FANCC: variants seen among roughly 807,000 people sequenced by gnomAD.
FANCC encodes FA complementation group C.
A neutral mutation model predicts 71.3 loss-of-function variants in FANCC; 55 were observed. The ratio of observed to expected loss-of-function variants is 0.77; its 90% confidence interval spans 0.62 to 0.97. The LOEUF (loss-of-function observed/expected upper bound fraction) is 0.97. Ranked by LOEUF, FANCC falls within the 50% of genes least tolerant of loss-of-function variation. The pLI, the probability that FANCC is intolerant of heterozygous loss-of-function variation, is 0.00. For synonymous variants in FANCC, 275 were observed against 244.9 expected, an observed-to-expected ratio of 1.12 and a Z score of -1.15; for missense variants, 678 against 670.9, an observed-to-expected ratio of 1.01 and a Z score of -0.12.
chr9:95,247,313 T>G, intron 3 of FANCC, 119 bp downstream of exon 3: 1 of 762,168 alleles, frequency 1.3e-6, no homozygotes, highest in Non-Finnish European at 2.3e-6. Flanking sequence ...AATGAATACA[T>G]TTGATAAGTT....
chr9:95,102,485 G>A (rs1588011176), intron 14 of FANCC, among the ~76,000 whole-genome samples: 5 of 152,296 alleles, frequency 3.3e-5, no homozygotes, highest in Admixed American at 2.0e-4. Context: ...CAATTTAGCT[G>A]TGTGGGGAAT....
intron 4 of FANCC, among the ~76,000 whole-genome samples, chr9:95,231,014 G>C (rs1169786248): frequency 6.6e-6 from 1 of 152,198 alleles, no homozygotes; most frequent in Non-Finnish European, 1.5e-5. Context: ...TAGCTAGACA[G>C]AAAAGTTCTC....
chr9:95,173,643 C>T (rs553462453), intron 4 of FANCC, among the ~76,000 whole-genome samples: 4 of 152,256 alleles, frequency 2.6e-5, no homozygotes, highest in East Asian at 1.9e-4. Flanking sequence ...GGGCCAGGCA[C>T]GGTGGCTCAC....
At chr9:95,221,354 G>C (rs1390038549) in intron 4 of FANCC, among the ~76,000 whole-genome samples, 1 of 152,084 alleles carries the variant, frequency 6.6e-6, no homozygotes, top group East Asian at 1.9e-4. Flanking sequence ...ACTTAAAATA[G>C]ATCACATATC....
At chr9:95,148,081 C>A (rs1467936358) in intron 7 of FANCC, among the ~76,000 whole-genome samples, 1 of 152,186 alleles carries the variant, frequency 6.6e-6, no homozygotes, top group Non-Finnish European at 1.5e-5. Flanking sequence ...AGAGCCGAGA[C>A]AGCCCTCACG....
At chr9:95,252,613 G>A (rs1831417754) in intron 1 of FANCC, among the ~76,000 whole-genome samples, 1 of 151,824 alleles carries the variant, frequency 6.6e-6, no homozygotes, top group Admixed American at 6.6e-5. Flanking sequence ...AGGCGTGGTG[G>A]TGGGCGCCTA....
At chr9:95,145,367 C>G (rs1829388051) in intron 7 of FANCC, 1 of 152,184 alleles carries the variant, frequency 6.6e-6, no homozygotes, top group Non-Finnish European at 1.5e-5. Context: ...ACAACACTCC[C>G]TTCAGATCAC....
intron 6 of FANCC, among the ~76,000 whole-genome samples, chr9:95,151,196 G>T (rs563591633): frequency 6.6e-6 from 1 of 152,218 alleles, no homozygotes; most frequent in South Asian, 2.1e-4. Flanking sequence ...TAGTACTCAT[G>T]GTTCGCTTCC....
chr9:95,168,946 G>A (rs992715239), intron 6 of FANCC, among the ~76,000 whole-genome samples: 3 of 152,120 alleles, frequency 2.0e-5, no homozygotes, highest in Admixed American at 6.5e-5. Context: ...CTACCTGCTC[G>A]TTAGTCACTT....
intron 4 of FANCC, among the ~76,000 whole-genome samples, chr9:95,215,018 T>C (rs1326706021): frequency 6.6e-6 from 1 of 152,064 alleles, no homozygotes; most frequent in Non-Finnish European, 1.5e-5. Context: ...CAAAAATATA[T>C]GATAAAAAGT....
chr9:95,148,905 C>T (rs1829920535), intron 7 of FANCC, among the ~76,000 whole-genome samples: 1 of 152,226 alleles, frequency 6.6e-6, no homozygotes, highest in Non-Finnish European at 1.5e-5. Context: ...GCAATGGCTA[C>T]TAGAATATTC....
rs2135587533 is a variant in FANCC at position 95,172,048 on chromosome 9, A to G, written c.445T>C (p.Leu149=). Reference sequence around the variant, plus strand: ...TTTTAAATACTCACATTTTTAAGCAAACCAGGATAGTAATCTATAGGTGCA... The same window carrying G: ...TTTTAAATACTCACATTTTTAAGCAGACCAGGATAGTAATCTATAGGTGCA... ...GYAPIDYYPG[L]LKNMVLSLAS... The change falls in exon 5 of 15, where the codon TTG becomes CTG. Residue 149 remains leucine, a synonymous_variant. Coordinates refer to ENST00000289081, the MANE Select transcript of FANCC (RefSeq NM_000136.3). The G allele has an allele frequency of 5.6e-6, 9 of 1,604,620 alleles. No individual in the cohort carries two copies. Among genetic ancestry groups the G allele is most frequent in the Non-Finnish European group, 7.7e-6 (9 of 1,171,500 alleles).
chr9:95,219,553 T>C (rs1171263154), intron 4 of FANCC, among the ~76,000 whole-genome samples: 2 of 151,970 alleles, frequency 1.3e-5, no homozygotes, highest in Non-Finnish European at 2.9e-5. Flanking sequence ...AGGAACGATA[T>C]AAATTTCTAG....
At chr9:95,120,308 A>G (rs2072769693) in intron 10 of FANCC, among the ~76,000 whole-genome samples, 1 of 152,166 alleles carries the variant, frequency 6.6e-6, no homozygotes, top group Non-Finnish European at 1.5e-5. Context: ...TCTGTCAAAA[A>G]TCAGTTGGCC....
chr9:95,295,381 GCAAAA>G (rs1164772781), intron 1 of FANCC, among the ~76,000 whole-genome samples: 3 of 151,456 alleles, frequency 2.0e-5, no homozygotes, highest in Non-Finnish European at 3.0e-5. Context: ...ACAAAACAAA[GCAAAA>G]CAAAACAAAG....
intron 4 of FANCC, among the ~76,000 whole-genome samples, chr9:95,174,612 A>T (rs1186549380): frequency 6.6e-6 from 1 of 152,034 alleles, no homozygotes; most frequent in Non-Finnish European, 1.5e-5. Context: ...TTCTTTTACT[A>T]CCAGGAAAAA....
At chr9:95,300,890 C>G (rs891165197) in intron 1 of FANCC, among the ~76,000 whole-genome samples, 1 of 151,964 alleles carries the variant, frequency 6.6e-6, no homozygotes, top group Non-Finnish European at 1.5e-5. Flanking sequence ...CCGCAGCAGG[C>G]CAAGGGCTGC....
At chr9:95,187,734 GA>G (rs1826819160) in intron 4 of FANCC, among the ~76,000 whole-genome samples, 1 of 151,970 alleles carries the variant, frequency 6.6e-6, no homozygotes, top group African/African-American at 2.4e-5. Context: ...AAAGAACCAG[GA>G]GAGGACAGCA....
intron 8 of FANCC, among the ~76,000 whole-genome samples, chr9:95,129,001 CAA>C (rs1323403617): frequency 6.6e-6 from 1 of 151,688 alleles, no homozygotes; most frequent in East Asian, 1.9e-4. Context: ...CTCCTGGGTT[CAA>C]AAGATTCTCC....
Sources: allele counts gnomAD v4.1 joint callset (sites outside exome capture counted in the v4.1 genomes callset), GRCh38; gene constraint gnomAD v4.1.1; transcripts MANE v1.5; gene names NCBI Gene and HGNC (gene_info 2026-07-23, HGNC 2026-07-21).